Variants in ANKRD31 observed in about 807,000 individuals in gnomAD.
The protein encoded by ANKRD31 is ankyrin repeat domain 31, also known as ankyrin repeat domain-containing protein 31.
In ANKRD31, 147 loss-of-function variants were observed where a neutral mutation model predicts 186.0. That is an observed-to-expected ratio of 0.79 (90% CI 0.69 to 0.91). The LOEUF (loss-of-function observed/expected upper bound fraction) is 0.91, where lower values mean the gene tolerates loss of function less well. ANKRD31 is among the 40% of genes least tolerant of loss of function. The probability of loss-of-function intolerance (pLI) is 0.00; values close to 1 mark genes in which losing one functional copy is unlikely to be tolerated. For missense variants in ANKRD31, 1,986 were observed against 2,148.8 expected (o/e 0.92, Z 1.50); for synonymous variants, 673 against 736.4 (o/e 0.91, Z 1.39).
rs1561549958 is a variant in ANKRD31, at chr5:75,224,137, A to ATATATATATATATATATATATG, written c.179-1780_179-1779insCATATATATATATATATATATA. Among the ~76,000 whole-genome samples the ATATATATATATATATATATATG allele has an allele frequency of 4.4e-4, 27 of 61,166 alleles. 1 individual carries two copies. Among genetic ancestry groups the ATATATATATATATATATATATG allele is most frequent in the Admixed American group, 6.1e-4 (4 of 6,514 alleles). The allele number at this position is 61,166 out of a possible 152,430, so 40.1% of individuals were successfully genotyped here. ...AGATCTCTCAGAAATAATTATATAT[A>ATATATATATATATATATATATG]TATATATATATATATATATATATGT... On this transcript the variant is annotated intron_variant, in intron 2 of 25. Coordinates refer to ENST00000506364, the MANE Select transcript of ANKRD31 (RefSeq NM_001372053.1).
chr5:75,163,028 T>G (rs1205921941), intron 11 of ANKRD31, among the ~76,000 whole-genome samples: 3 of 152,210 alleles, frequency 2.0e-5, no homozygotes, highest in Non-Finnish European at 4.4e-5. Context: ...CTTTATCATC[T>G]AATATACTTA....
chr5:75,173,980 A>G (rs1384610051), intron 10 of ANKRD31, among the ~76,000 whole-genome samples: 1 of 152,192 alleles, frequency 6.6e-6, no homozygotes, highest in Non-Finnish European at 1.5e-5. Flanking sequence ...TTCAAACTAT[A>G]CTACAAGGTT....
At chr5:75,083,441 A>G (rs1561400861) in intron 24 of ANKRD31, among the ~76,000 whole-genome samples, 2 of 152,164 alleles carry the variant, frequency 1.3e-5, no homozygotes, top group Non-Finnish European at 2.9e-5. Flanking sequence ...AGGGGAAAGC[A>G]GGCCAGGCCA....
At chr5:75,179,663 C>T (rs531090155) in intron 10 of ANKRD31, among the ~76,000 whole-genome samples, 1 of 152,208 alleles carries the variant, frequency 6.6e-6, no homozygotes, top group South Asian at 2.1e-4. Flanking sequence ...GCAGAAAAGG[C>T]CTTTGACAAA....
chr5:75,234,276 G>A (rs1173888913), intron 1 of ANKRD31, among the ~76,000 whole-genome samples: 1 of 152,184 alleles, frequency 6.6e-6, no homozygotes, highest in East Asian at 1.9e-4. Flanking sequence ...GTAGAATTAG[G>A]TCAGATTTCT....
chr5:75,120,275 G>A (rs889067418), intron 17 of ANKRD31, among the ~76,000 whole-genome samples: 1 of 152,050 alleles, frequency 6.6e-6, no homozygotes, highest in Admixed American at 6.6e-5. Context: ...CACACTTCTA[G>A]TCTCAGCTAC....
At position 75,068,420 on chromosome 5, in the gene ANKRD31, T is replaced by A; in HGVS notation, c.*99A>T. On this transcript the variant is annotated 3_prime_UTR_variant, in exon 26 of 26. Coordinates refer to ENST00000506364, the MANE Select transcript of ANKRD31 (RefSeq NM_001372053.1). The stretch of plus-strand genomic sequence containing the variant: ...ACATCCTAAATAGCAACTCATAAAG[T>A]GTATGTTAAAATAGGCCCACCAGAT... 8.7e-7 allele frequency: 1 copy of A among 1,152,374 alleles called. No individual in the cohort carries two copies. The highest frequency in any genetic ancestry group is 1.2e-6 in the Non-Finnish European group (1 of 868,778). The allele number at this position is 1,152,374 out of a possible 1,614,324, so 71.4% of individuals were successfully genotyped here.
intron 17 of ANKRD31, among the ~76,000 whole-genome samples, chr5:75,127,875 C>T (rs147768089): frequency 2.0e-5 from 3 of 152,190 alleles, no homozygotes; most frequent in Admixed American, 2.0e-4. Flanking sequence ...CATTTACCCC[C>T]AATTATTTAA....
At position 75,105,112 on chromosome 5, in the gene ANKRD31, T is replaced by A; in HGVS notation, c.4447A>T (p.Ser1483Cys). ...TTCCTACAGTTTTGAATTTTCAGGC[T>A]TATTTTTTTCTGTTTTTTTGCCACA... ...LVVAKKQKKI[S>C]LKIQNCRNVT... is the part of the protein sequence containing the mutation. Residue 1483 changes from serine (S) to cysteine (C), a missense_variant, in exon 22 of 26, where the codon AGC becomes TGC. Transcript: ENST00000506364. 1 of 1,537,124 alleles carries A rather than the reference T, an allele frequency of 6.5e-7. No homozygotes were observed. The highest frequency in any genetic ancestry group is 8.7e-7 in the Non-Finnish European group (1 of 1,146,850).
chr5:75,090,869 C>T (rs1314444601), intron 23 of ANKRD31, among the ~76,000 whole-genome samples: 1 of 152,214 alleles, frequency 6.6e-6, no homozygotes, highest in African/African-American at 2.4e-5. Context: ...TGCTTTACTT[C>T]ATTAGAATAA....
At chr5:75,109,898 C>T (rs565237769) in intron 20 of ANKRD31, among the ~76,000 whole-genome samples, 103 of 152,226 alleles carry the variant, frequency 6.8e-4, no homozygotes, top group Non-Finnish European at 9.0e-4. Flanking sequence ...TTGCCCGCAT[C>T]ATAGAAGTTC....
Position 75,193,587 on chromosome 5 carries a change from A to C in ANKRD31, c.1022T>G (p.Leu341Arg). ...NEDCTQIAETLQDPNPSGLQT... is the reference protein window; with the variant it reads ...NEDCTQIAETRQDPNPSGLQT... ...CAATCCAGATGGATTTGGGTCTTGC[A>C]GAGTCTGCAAATACGTAAATACATC... is the stretch of plus-strand genomic sequence containing the variant. Residue 341 changes from leucine (L) to arginine (R), a missense_variant, in exon 8 of 26, where the codon CTG (leucine) becomes CGG (arginine). Coordinates refer to ENST00000506364, the MANE Select transcript of ANKRD31 (RefSeq NM_001372053.1). The C allele has an allele frequency of 2.0e-6, 3 of 1,533,634 alleles. No homozygotes were observed. The highest frequency in any genetic ancestry group is 1.7e-6 in the Non-Finnish European group (2 of 1,144,698).
At chr5:75,143,592 C>T (rs1293133428) in intron 15 of ANKRD31, among the ~76,000 whole-genome samples, 1 of 152,070 alleles carries the variant, frequency 6.6e-6, no homozygotes, top group Non-Finnish European at 1.5e-5. Context: ...TTAGCTTGTC[C>T]GTACTGTGAA....
chr5:75,109,867 A>G (rs920125483), intron 20 of ANKRD31, among the ~76,000 whole-genome samples: 1 of 152,174 alleles, frequency 6.6e-6, no homozygotes, highest in Non-Finnish European at 1.5e-5. Context: ...CTGAGAGGGC[A>G]CAGGGAAAGG....
At chr5:75,167,066 A>T (rs1393399157) in intron 11 of ANKRD31, among the ~76,000 whole-genome samples, 1 of 151,882 alleles carries the variant, frequency 6.6e-6, no homozygotes, top group Non-Finnish European at 1.5e-5. Context: ...CCCTTTAACC[A>T]TTAGTTGTCA....
intron 22 of ANKRD31, among the ~76,000 whole-genome samples, chr5:75,099,086 T>C (rs1320216755): frequency 3.3e-5 from 5 of 150,260 alleles, no homozygotes; most frequent in African/African-American, 1.3e-4. Context: ...ATAGCTCTTA[T>C]TATTTTGAGA....
At chr5:75,234,442 C>G (rs578156823) in intron 1 of ANKRD31, among the ~76,000 whole-genome samples, 73 of 152,332 alleles carry the variant, frequency 4.8e-4, no homozygotes, top group Non-Finnish European at 9.1e-4. Flanking sequence ...GCAGGAAGAT[C>G]ACTTCAGCCT....
intron 10 of ANKRD31, among the ~76,000 whole-genome samples, chr5:75,179,323 C>T (rs1262315552): frequency 6.6e-6 from 1 of 152,172 alleles, no homozygotes; most frequent in Non-Finnish European, 1.5e-5. Context: ...GAGCTGGTAC[C>T]ATTCCTTCTG....
intron 10 of ANKRD31, among the ~76,000 whole-genome samples, chr5:75,175,384 A>C (rs1753708363): frequency 6.6e-6 from 1 of 152,206 alleles, no homozygotes; most frequent in Admixed American, 6.5e-5. Context: ...GTATATTAAA[A>C]AAAGAATAGA....
Sources: allele counts gnomAD v4.1 joint callset (sites outside exome capture counted in the v4.1 genomes callset), GRCh38; gene constraint gnomAD v4.1.1; transcripts MANE v1.5; gene names NCBI Gene and HGNC (gene_info 2026-07-23, HGNC 2026-07-21).